Variants in DLGAP2 observed in about 807,000 individuals in gnomAD.
DLGAP2 encodes DLG associated protein 2, also known as disks large-associated protein 2.
Under a neutral mutation model 100.3 loss-of-function variants are expected in DLGAP2, and 26 were observed. The ratio of observed to expected loss-of-function variants is 0.26; its 90% confidence interval spans 0.19 to 0.36. The LOEUF is 0.36. Ranked by LOEUF, DLGAP2 falls within the 10% of genes least tolerant of loss-of-function variation. The probability of loss-of-function intolerance (pLI) is 1.00; values close to 1 mark genes in which losing one functional copy is unlikely to be tolerated. For missense variants in DLGAP2, 1,858 were observed against 1,453.2 expected (o/e 1.28, Z -4.53); for synonymous variants, 886 against 630.1 (o/e 1.41, Z -6.08).
At chr8:1,123,655 G>C (rs1405169118) in intron 2 of DLGAP2, among the ~76,000 whole-genome samples, 1 of 152,120 alleles carries the variant, frequency 6.6e-6, no homozygotes, top group Non-Finnish European at 1.5e-5. Context: ...AAAAGAAATA[G>C]TTCTATGCAC....
chr8:1,340,983 C>G (rs751034561), intron 3 of DLGAP2, among the ~76,000 whole-genome samples: 1 of 152,136 alleles, frequency 6.6e-6, no homozygotes, highest in Non-Finnish European at 1.5e-5. Flanking sequence ...AGTGCAGGAA[C>G]AGATAACCAA....
chr8:990,098 C>G (rs77842121), intron 2 of DLGAP2, among the ~76,000 whole-genome samples: 2,322 of 152,136 alleles, frequency 0.015, 33 homozygotes, highest in Middle Eastern at 0.027. Flanking sequence ...GGGTCATCTA[C>G]GACTTCAGTG....
chr8:1,156,145 C>A (rs973693050), intron 2 of DLGAP2, among the ~76,000 whole-genome samples: 14 of 152,192 alleles, frequency 9.2e-5, no homozygotes, highest in Non-Finnish European at 7.3e-5. Flanking sequence ...CTAGGAGCCT[C>A]CCCTGGGCTT....
chr8:1,162,508 G>C (rs1372372108), intron 2 of DLGAP2, among the ~76,000 whole-genome samples: 2 of 152,186 alleles, frequency 1.3e-5, no homozygotes, highest in Non-Finnish European at 2.9e-5. Context: ...CATAAATACA[G>C]AGAAAATTAA....
At chr8:785,868 T>G (rs111895054) in intron 1 of DLGAP2, among the ~76,000 whole-genome samples, 4 of 137,400 alleles carry the variant, frequency 2.9e-5, no homozygotes, top group African/African-American at 1.2e-4. Flanking sequence ...GAGACCGGCC[T>G]CCCTCCTCCC....
At chr8:1,298,469 G>A (rs1800246640) in intron 3 of DLGAP2, among the ~76,000 whole-genome samples, 2 of 152,140 alleles carry the variant, frequency 1.3e-5, no homozygotes, top group African/African-American at 2.4e-5. Flanking sequence ...GGTTTCATGG[G>A]GACACACAGG....
intron 2 of DLGAP2, among the ~76,000 whole-genome samples, chr8:1,194,936 C>T (rs1445620029): frequency 6.6e-6 from 1 of 152,218 alleles, no homozygotes; most frequent in Non-Finnish European, 1.5e-5. Flanking sequence ...TGTCAACTAC[C>T]AACGGACAGT....
At chr8:965,776 C>A (rs957023738) in intron 2 of DLGAP2, among the ~76,000 whole-genome samples, 15 of 144,860 alleles carry the variant, frequency 1.0e-4, no homozygotes, top group African/African-American at 3.7e-4. Flanking sequence ...GCGCTGCACA[C>A]GGCACTGTTC....
In DLGAP2 at chr8:1,099,875, A is replaced by G. The variant is rs147939349; in HGVS notation, c.74-158976A>G. Among the ~76,000 whole-genome samples the G allele has an allele frequency of 2.3e-3, 357 of 152,362 alleles. 2 individuals are homozygous for G. The highest frequency in any genetic ancestry group is 8.0e-3 in the African/African-American group (333 of 41,586). ...ACATGCATTCAAAATCCTCATTTCA[A>G]TGGAAACACGTCCCTTCTATTATGC... is the stretch of plus-strand genomic sequence containing the variant. On this transcript the variant is annotated intron_variant, in intron 2 of 14. Transcript: ENST00000637795.
chr8:1,601,209 A>G (rs955215240), intron 6 of DLGAP2, among the ~76,000 whole-genome samples: 1 of 152,200 alleles, frequency 6.6e-6, no homozygotes, highest in East Asian at 1.9e-4. Flanking sequence ...GAGGTTGCCG[A>G]ACAGCAAAGA....
At chr8:1,208,392 A>G (rs550941652) in intron 2 of DLGAP2, among the ~76,000 whole-genome samples, 12 of 152,272 alleles carry the variant, frequency 7.9e-5, no homozygotes, top group African/African-American at 2.6e-4. Context: ...GATCATCTCA[A>G]CAGTTGCAGA....
intron 2 of DLGAP2, among the ~76,000 whole-genome samples, chr8:1,085,579 C>A (rs1049487085): frequency 1.3e-5 from 2 of 152,148 alleles, no homozygotes; most frequent in African/African-American, 4.8e-5. Context: ...TCAAGCTGTG[C>A]ATGTGTGGGT....
At chr8:1,595,689 A>T (rs1796434768) in intron 6 of DLGAP2, among the ~76,000 whole-genome samples, 1 of 78,850 alleles carries the variant, frequency 1.3e-5, no homozygotes, top group Non-Finnish European at 3.3e-5. Flanking sequence ...AAAAAAAAAA[A>T]AAGAAATAGG....
chr8:1,445,393 T>C (rs1447275272), intron 3 of DLGAP2, among the ~76,000 whole-genome samples: 2 of 151,744 alleles, frequency 1.3e-5, no homozygotes, highest in Non-Finnish European at 2.9e-5. Flanking sequence ...TCCAGTTTCA[T>C]CCATGTCCCT....
chr8:1,452,269 G>T (rs1798184021), intron 3 of DLGAP2, among the ~76,000 whole-genome samples: 2 of 152,170 alleles, frequency 1.3e-5, no homozygotes, highest in African/African-American at 4.8e-5. Context: ...TCTGTGGCTG[G>T]GTGTTCTGTG....
chr8:978,618 C>T (rs58581373), intron 2 of DLGAP2, among the ~76,000 whole-genome samples: 183 of 39,694 alleles, frequency 4.6e-3, no homozygotes, highest in Admixed American at 7.2e-3. Context: ...TCTTTGGTGA[C>T]GTGGGGAGGG....
At position 1,190,807 on chromosome 8, in the gene DLGAP2, G is replaced by A. The variant is rs1002225792; in HGVS notation, c.74-68044G>A. 2.0e-5 allele frequency among the ~76,000 whole-genome samples: 3 copies of A among 151,952 alleles called. No homozygotes were observed. In the South Asian group the frequency reaches 6.3e-4, roughly 32 times the overall value. ...AGGTGCACGCAGCAGCAAGGCGTGGGGTCTGTAGGGGGCAGACCCAAGACC... is the reference window on the plus strand; with the variant it reads ...AGGTGCACGCAGCAGCAAGGCGTGGAGTCTGTAGGGGGCAGACCCAAGACC... On this transcript the variant is annotated intron_variant, in intron 2 of 14. Transcript: ENST00000637795.
At chr8:1,171,479 G>A (rs941121039) in intron 2 of DLGAP2, among the ~76,000 whole-genome samples, 37 of 151,862 alleles carry the variant, frequency 2.4e-4, no homozygotes, top group African/African-American at 9.0e-4. Flanking sequence ...TGGTGACAGT[G>A]GGGTATTAAA....
intron 6 of DLGAP2, among the ~76,000 whole-genome samples, chr8:1,570,352 C>T (rs924739541): frequency 3.3e-5 from 5 of 152,358 alleles, no homozygotes; most frequent in South Asian, 2.1e-4. Flanking sequence ...TGTTCCATTA[C>T]GCACAGCCCT....
Sources: gnomAD v4.1 joint callset for allele counts (sites outside exome capture counted in the v4.1 genomes callset) on GRCh38, gnomAD v4.1.1 for gene constraint, MANE v1.5 for transcripts, NCBI Gene and HGNC (gene_info 2026-07-23, HGNC 2026-07-21) for gene names.